The following TTLL5 variants were observed in gnomAD, a reference collection of about 807,000 sequenced individuals.
TTLL5 encodes tubulin tyrosine ligase like 5, also known as tubulin polyglutamylase TTLL5.
TTLL5 carries 132 observed loss-of-function variants against 168.4 expected under a neutral mutation model. The ratio of observed to expected loss-of-function variants is 0.78; its 90% CI spans 0.68 to 0.91. TTLL5 has a LOEUF of 0.91. Among genes scored for constraint, TTLL5 ranks in the 40% least tolerant of loss-of-function variants. The pLI is 0.00. For synonymous variants in TTLL5, 546 were observed against 558.6 expected (o/e 0.98, Z 0.32); for missense variants, 1,545 against 1,581.5 (o/e 0.98, Z 0.39).
intron 28 of TTLL5, among the ~76,000 whole-genome samples, chr14:75,827,840 C>T (rs1895308541): frequency 6.6e-6 from 1 of 151,066 alleles, no homozygotes; most frequent in Non-Finnish European, 1.5e-5. Flanking sequence ...CCCTCAGCCT[C>T]CCAAGTAGCT....
chr14:75,902,376 A>G, intron 31 of TTLL5, 152 bp downstream of exon 31: 1 of 815,154 alleles, frequency 1.2e-6, no homozygotes, highest in Non-Finnish European at 2.0e-6. Flanking sequence ...TTTTTGTTGC[A>G]TTCTTCTTTA....
intron 30 of TTLL5, among the ~76,000 whole-genome samples, chr14:75,891,798 G>A (rs190010945): frequency 2.0e-5 from 3 of 152,270 alleles, no homozygotes; most frequent in African/African-American, 4.8e-5. Context: ...AATGGGATTC[G>A]GATTCTGGTT....
rs143783414 is a variant in TTLL5, at chr14:75,901,703, C to T, written c.3741-439C>T. ...CAGGGGACACATAATCTCTCCTTCC[C>T]CACTTCCCCAGTTGAAAACCACTCT... On this transcript the variant is annotated intron_variant, in intron 30 of 31. Coordinates refer to ENST00000298832, the MANE Select transcript of TTLL5 (RefSeq NM_015072.5). Among the ~76,000 whole-genome samples the T allele has an allele frequency of 2.3e-3, 347 of 152,312 alleles. 2 individuals carry two copies. The highest frequency in any genetic ancestry group is 7.9e-3 in the African/African-American group (329 of 41,546).
intron 16 of TTLL5, 52 bp from the exon 17 acceptor site, chr14:75,745,438 A>G (rs374016027): frequency 1.5e-5 from 24 of 1,571,828 alleles, no homozygotes; most frequent in East Asian, 2.2e-5. Context: ...CTATAGCCAC[A>G]TGGACTCCGG....
At chr14:75,867,441 T>C (rs2030615870) in intron 29 of TTLL5, among the ~76,000 whole-genome samples, 1 of 152,130 alleles carries the variant, frequency 6.6e-6, no homozygotes, top group Non-Finnish European at 1.5e-5. Flanking sequence ...CTATTCAGGG[T>C]TCTCTATACA....
chr14:75,918,121 A>C (rs898972233), intron 31 of TTLL5, among the ~76,000 whole-genome samples: 10 of 152,186 alleles, frequency 6.6e-5, no homozygotes, highest in Admixed American at 1.3e-4. Context: ...GGGAAGGGCA[A>C]AAGACAGATG....
intron 10 of TTLL5, among the ~76,000 whole-genome samples, chr14:75,719,123 C>T (rs1398921331): frequency 1.3e-5 from 2 of 152,134 alleles, no homozygotes; most frequent in South Asian, 2.1e-4. Flanking sequence ...TTGGCCACTC[C>T]GCTGCCATAG....
chr14:75,696,645 G>A (rs1037853006), intron 6 of TTLL5, among the ~76,000 whole-genome samples: 3 of 152,030 alleles, frequency 2.0e-5, no homozygotes, highest in African/African-American at 7.2e-5. Context: ...ATATTCCCAT[G>A]GTACAAAAGA....
intron 31 of TTLL5, among the ~76,000 whole-genome samples, chr14:75,908,137 C>T (rs965067403): frequency 1.3e-5 from 2 of 152,180 alleles, no homozygotes; most frequent in South Asian, 2.1e-4. Context: ...TGTGTATAAG[C>T]GAGGGATGAC....
intron 27 of TTLL5, among the ~76,000 whole-genome samples, chr14:75,814,022 C>T (rs1004880558): frequency 6.6e-6 from 1 of 152,014 alleles, no homozygotes; most frequent in Admixed American, 6.5e-5. Context: ...GTTGAGTGTC[C>T]CTAATTTAAA....
At chr14:75,816,974 A>ATTTTTTT (rs35736530) in intron 27 of TTLL5, among the ~76,000 whole-genome samples, 7 of 96,080 alleles carry the variant, frequency 7.3e-5, no homozygotes, top group African/African-American at 2.1e-4. Context: ...TCCCTGTCTT[A>ATTTTTTT]TTTTTTTTTT....
rs138831593 is a variant in TTLL5 at position 75,846,754 on chromosome 14, C to T, written c.3327-16913C>T. 8.5e-3 allele frequency among the ~76,000 whole-genome samples: 1,227 copies of T among 144,708 alleles called. 27 individuals are homozygous for T. Among genetic ancestry groups the T allele is most frequent in the African/African-American group, 0.03 (1,156 of 38,684 alleles). The allele number at this position is 144,708 out of a possible 152,430, so 94.9% of individuals were successfully genotyped here. On this transcript the variant is annotated intron_variant, in intron 28 of 31. Transcript: ENST00000298832. ...GCGGTGAGCCGAGATTGCACCATTG[C>T]ACTCCAGCCTGGGCAACAAGAGTGA...
At position 75,886,634 on chromosome 14, in the gene TTLL5, A is replaced by G; in HGVS notation, c.3740+3732A>G. The G allele has an allele frequency of 5.1e-6, 8 of 1,556,560 alleles. No individual in the cohort carries two copies. In the South Asian group the frequency reaches 7.1e-5, roughly 14 times the overall value. The stretch of plus-strand genomic sequence containing the variant: ...ATGATTTAAAATTTTTTTTTTTACC[A>G]TTTTCCTGGTGCCAATAATCTTTCT... On this transcript the variant is annotated intron_variant, in intron 30 of 31. Transcript: ENST00000298832.
rs200028462 is a variant in TTLL5 at position 75,766,044 on chromosome 14, G to C, written c.1709-18G>C. ...TTTAATCCTTTTTTCAGCAACATTAGTGATTCTTCGTATTTAGTGATTACC... is the reference window on the plus strand; with the variant it reads ...TTTAATCCTTTTTTCAGCAACATTACTGATTCTTCGTATTTAGTGATTACC... On this transcript the variant is annotated intron_variant, in intron 19 of 31. Coordinates refer to ENST00000298832, the MANE Select transcript of TTLL5 (RefSeq NM_015072.5). 4.1e-5 allele frequency: 66 copies of C among 1,594,164 alleles called. No individual in the cohort carries two copies. The highest frequency in any genetic ancestry group is 5.6e-5 in the Non-Finnish European group (65 of 1,170,204).
At chr14:75,706,668 A>T (rs1022128562) in intron 7 of TTLL5, among the ~76,000 whole-genome samples, 3 of 152,114 alleles carry the variant, frequency 2.0e-5, no homozygotes, top group African/African-American at 7.2e-5. Context: ...GCAAGTTTTC[A>T]TTTATTTTTA....
intron 23 of TTLL5, among the ~76,000 whole-genome samples, chr14:75,778,673 C>G (rs1403502255): frequency 1.3e-5 from 2 of 151,984 alleles, no homozygotes; most frequent in Non-Finnish European, 2.9e-5. Flanking sequence ...AGCCACTTTC[C>G]TAGAACGTAG....
At chr14:75,783,675 A>G in intron 26 of TTLL5, 145 bp downstream of exon 26, 1 of 1,169,914 alleles carries the variant, frequency 8.5e-7, no homozygotes. Context: ...TGACTAAAGA[A>G]GACTTTTGCA....
intron 31 of TTLL5, among the ~76,000 whole-genome samples, chr14:75,953,999 A>G (rs1158866774): frequency 6.6e-6 from 1 of 152,140 alleles, no homozygotes; most frequent in Non-Finnish European, 1.5e-5. Flanking sequence ...CTGTAATCCC[A>G]GCACTTTGGG....
At chr14:75,678,587 C>T (rs569248716) in intron 3 of TTLL5, among the ~76,000 whole-genome samples, 3 of 151,570 alleles carry the variant, frequency 2.0e-5, no homozygotes, top group African/African-American at 4.8e-5. Flanking sequence ...TTTTTGTCTT[C>T]CATGACATTG....
Sources: gnomAD v4.1 joint callset for allele counts (sites outside exome capture counted in the v4.1 genomes callset) on GRCh38, gnomAD v4.1.1 for gene constraint, MANE v1.5 for transcripts, NCBI Gene and HGNC (gene_info 2026-07-23, HGNC 2026-07-21) for gene names.